The following SLC35F3 variants were observed in gnomAD, a reference collection of about 807,000 sequenced individuals.
SLC35F3 encodes solute carrier family 35 member F3.
In SLC35F3, 25 loss-of-function variants were observed where a neutral mutation model predicts 49.9. That is an observed-to-expected ratio of 0.50 (90% CI 0.37 to 0.70). The LOEUF (loss-of-function observed/expected upper bound fraction) is 0.70. Among genes scored for constraint, SLC35F3 ranks in the 30% least tolerant of loss-of-function variants. The probability of loss-of-function intolerance (pLI) is 0.00; values close to 1 mark genes in which losing one functional copy is unlikely to be tolerated. For synonymous variants in SLC35F3, 275 were observed against 265.4 expected (o/e 1.04, Z -0.35); for missense variants, 525 against 639.8 (o/e 0.82, Z 1.94).
In SLC35F3 at chr1:234,108,433, G is replaced by T. The variant is rs1558231497; in HGVS notation, c.284-122984G>T. ...TGATATATATTATTTATATATAAAAGATATATATAAAAGATATATATTATT... is the reference window on the plus strand; with the variant it reads ...TGATATATATTATTTATATATAAAATATATATATAAAAGATATATATTATT... On this transcript the variant is annotated intron_variant, in intron 2 of 7. Transcript: ENST00000366618. 8.2e-5 allele frequency among the ~76,000 whole-genome samples: 6 copies of T among 72,774 alleles called. No homozygotes were observed. The East Asian group carries it at 0.011, about 137-fold the overall frequency. 47.7% of individuals were successfully genotyped at this position (72,774 alleles called of 152,430 possible). A position where few individuals can be genotyped will look rare whatever the true frequency, so the allele number is the denominator to read the frequency against.
chr1:233,966,560 A>G (rs1354197222), intron 2 of SLC35F3, among the ~76,000 whole-genome samples: 1 of 152,198 alleles, frequency 6.6e-6, no homozygotes, highest in Non-Finnish European at 1.5e-5. Flanking sequence ...ACTAATCTGG[A>G]TGGGAGATAC....
At chr1:234,068,167 C>T (rs530359713) in intron 2 of SLC35F3, among the ~76,000 whole-genome samples, 4 of 152,204 alleles carry the variant, frequency 2.6e-5, no homozygotes, top group South Asian at 2.1e-4. Flanking sequence ...CTCTGCCAAC[C>T]GAAACTCCAT....
At chr1:234,277,450 G>A (rs947810488) in intron 3 of SLC35F3, among the ~76,000 whole-genome samples, 13 of 152,212 alleles carry the variant, frequency 8.5e-5, no homozygotes, top group African/African-American at 3.1e-4. Flanking sequence ...CCTTTACCCA[G>A]ACACACTGGC....
At chr1:234,251,679 AAAG>A (rs1166401599) in intron 3 of SLC35F3, among the ~76,000 whole-genome samples, 2 of 152,190 alleles carry the variant, frequency 1.3e-5, no homozygotes, top group African/African-American at 4.8e-5. Context: ...ATACTCTGGA[AAAG>A]AAGAGCAATA....
chr1:233,965,047 G>C (rs1662879676), intron 2 of SLC35F3, among the ~76,000 whole-genome samples: 1 of 152,200 alleles, frequency 6.6e-6, no homozygotes, highest in Admixed American at 6.5e-5. Context: ...GGGGCCTGGA[G>C]AAAGAAATAC....
At chr1:234,143,618 A>G (rs930791362) in intron 2 of SLC35F3, among the ~76,000 whole-genome samples, 16 of 152,080 alleles carry the variant, frequency 1.1e-4, no homozygotes, top group African/African-American at 3.1e-4. Context: ...GATTCCATGT[A>G]TAAGTGACAA....
intron 2 of SLC35F3, among the ~76,000 whole-genome samples, chr1:233,930,554 C>T (rs897481342): frequency 6.6e-6 from 1 of 152,008 alleles, no homozygotes; most frequent in Admixed American, 6.6e-5. Flanking sequence ...AACAGGTGAC[C>T]CTTGAAAAAC....
At chr1:234,220,538 G>GTGGC (rs1475762422) in intron 2 of SLC35F3, among the ~76,000 whole-genome samples, 2 of 152,208 alleles carry the variant, frequency 1.3e-5, no homozygotes, top group Admixed American at 1.3e-4. Context: ...TGCCTCTACA[G>GTGGC]TGGCTCCTAA....
At chr1:233,932,090 A>T (rs779905705) in intron 2 of SLC35F3, among the ~76,000 whole-genome samples, 3 of 152,120 alleles carry the variant, frequency 2.0e-5, no homozygotes, top group Non-Finnish European at 2.9e-5. Context: ...GGAGTGGAAC[A>T]ATGAGAACAC....
intron 2 of SLC35F3, among the ~76,000 whole-genome samples, chr1:233,935,189 C>CTTTTTTTTTTTTTTTTTTTTTT (rs35418747): frequency 2.0e-5 from 1 of 50,312 alleles, no homozygotes; most frequent in African/African-American, 8.8e-5. Flanking sequence ...TTTCCTTGCC[C>CTTTTTTTTTTTTTTTTTTTTTT]TTTTTTTTTT....
chr1:234,245,629 A>ATT (rs1667619940), intron 3 of SLC35F3, among the ~76,000 whole-genome samples: 3 of 152,172 alleles, frequency 2.0e-5, no homozygotes, highest in African/African-American at 7.2e-5. Flanking sequence ...CTGCTCCATG[A>ATT]TGCTTAGAGC....
At chr1:234,028,829 A>C (rs934717622) in intron 2 of SLC35F3, among the ~76,000 whole-genome samples, 3 of 152,038 alleles carry the variant, frequency 2.0e-5, no homozygotes, top group Non-Finnish European at 4.4e-5. Flanking sequence ...GAGTTTGCTG[A>C]GAGAGAGGTG....
At chr1:234,043,276 A>C (rs1175637528) in intron 2 of SLC35F3, among the ~76,000 whole-genome samples, 1 of 152,216 alleles carries the variant, frequency 6.6e-6, no homozygotes, top group Non-Finnish European at 1.5e-5. Context: ...TCACATTCTT[A>C]AAAATTATTC....
At chr1:234,045,822 A>G (rs1664283036) in intron 2 of SLC35F3, among the ~76,000 whole-genome samples, 1 of 151,700 alleles carries the variant, frequency 6.6e-6, no homozygotes, top group Non-Finnish European at 1.5e-5. Context: ...GCATATTTTT[A>G]TGCTTTACTG....
chr1:234,217,870 G>A (rs1667146253), intron 2 of SLC35F3, among the ~76,000 whole-genome samples: 1 of 151,304 alleles, frequency 6.6e-6, no homozygotes, highest in Admixed American at 6.6e-5. Context: ...CTAAGATGGA[G>A]CCATTCTAAG....
At chr1:234,108,020 G>A (rs543436592) in intron 2 of SLC35F3, among the ~76,000 whole-genome samples, 33 of 151,232 alleles carry the variant, frequency 2.2e-4, no homozygotes, top group Non-Finnish European at 8.8e-5. Context: ...TATGAATGAC[G>A]GGTAATGATA....
intron 2 of SLC35F3, among the ~76,000 whole-genome samples, chr1:234,056,666 G>C (rs1572035072): frequency 6.6e-6 from 1 of 152,128 alleles, no homozygotes; most frequent in South Asian, 2.1e-4. Flanking sequence ...ATGTTTTCAA[G>C]GTTCATCCAA....
At chr1:233,934,357 G>GT (rs200522779) in intron 2 of SLC35F3, among the ~76,000 whole-genome samples, 2,731 of 152,136 alleles carry the variant, frequency 0.018, 45 homozygotes, top group African/African-American at 0.04. Context: ...TTGTTTCTAG[G>GT]TTTTTTCTAT....
At chr1:234,022,824 C>G (rs188656973) in intron 2 of SLC35F3, among the ~76,000 whole-genome samples, 3 of 152,264 alleles carry the variant, frequency 2.0e-5, no homozygotes, top group African/African-American at 7.2e-5. Context: ...AATATTAATA[C>G]TAATACTAAT....
Sources: gnomAD v4.1 joint callset for allele counts (sites outside exome capture counted in the v4.1 genomes callset) on GRCh38, gnomAD v4.1.1 for gene constraint, MANE v1.5 for transcripts, NCBI Gene and HGNC (gene_info 2026-07-23, HGNC 2026-07-21) for gene names.